The following CAMK2D variants were observed in gnomAD, a reference collection of about 807,000 sequenced individuals.
CAMK2D encodes the protein calcium/calmodulin-dependent protein kinase type II subunit delta.
CAMK2D carries 37 observed loss-of-function variants against 84.0 expected under a neutral mutation model. That is an observed-to-expected ratio of 0.44 (90% CI 0.34 to 0.58). The LOEUF is 0.58. Among genes scored for constraint, CAMK2D ranks in the 20% least tolerant of loss-of-function variants. The pLI, the probability that CAMK2D is intolerant of heterozygous loss-of-function variation, is 0.02. For missense variants in CAMK2D, 448 were observed against 652.5 expected, an observed-to-expected ratio of 0.69 and a Z score of 3.41; for synonymous variants, 202 against 212.5, an observed-to-expected ratio of 0.95 and a Z score of 0.43.
At chr4:113,645,871 A>T (rs2099149838) in intron 3 of CAMK2D, among the ~76,000 whole-genome samples, 1 of 152,232 alleles carries the variant, frequency 6.6e-6, no homozygotes, top group South Asian at 2.1e-4. Flanking sequence ...AGATGATTCA[A>T]ATGCTGCAGG....
chr4:113,577,484 C>T (rs2068107), intron 4 of CAMK2D, among the ~76,000 whole-genome samples: 5,668 of 152,244 alleles, frequency 0.037, 364 homozygotes, highest in African/African-American at 0.13. Context: ...ATACACTATA[C>T]TGATCATAAG....
intron 2 of CAMK2D, among the ~76,000 whole-genome samples, chr4:113,670,914 C>T (rs1001337715): frequency 1.5e-4 from 22 of 151,584 alleles, no homozygotes; most frequent in Non-Finnish European, 2.5e-4. Context: ...GGCAACAGAG[C>T]GAGACTCCGT....
At chr4:113,653,631 G>A (rs2099185838) in intron 3 of CAMK2D, among the ~76,000 whole-genome samples, 1 of 151,920 alleles carries the variant, frequency 6.6e-6, no homozygotes, top group African/African-American at 2.4e-5. Flanking sequence ...TATTAACTTT[G>A]TTTTCTCAGT....
chr4:113,539,933 G>C (rs565069100), intron 6 of CAMK2D, among the ~76,000 whole-genome samples: 1 of 152,228 alleles, frequency 6.6e-6, no homozygotes, highest in Non-Finnish European at 1.5e-5. Flanking sequence ...AGGATGATGA[G>C]TTTAAGGGAT....
In CAMK2D at chr4:113,457,578, C is replaced by G; in HGVS notation, c.1307-15G>C. ...TTTGGACAAAGCTGAAAGAGAAAAA[C>G]ATGAAAAGCAAAATTTAGTTTCTAT... On this transcript the variant is annotated splice_polypyrimidine_tract_variant and intron_variant, in intron 18 of 20. Transcript: ENST00000511664. 2 of 1,606,096 alleles carry G rather than the reference C, an allele frequency of 1.2e-6. No individual in the cohort carries two copies. The highest frequency in any genetic ancestry group is 2.2e-5 in the East Asian group (1 of 44,700).
chr4:113,511,030 A>G (rs943295196), intron 12 of CAMK2D, among the ~76,000 whole-genome samples: 1 of 152,136 alleles, frequency 6.6e-6, no homozygotes. Flanking sequence ...CAAAGAGAAG[A>G]TGATGATTCA....
chr4:113,578,158 A>C (rs530595358), intron 4 of CAMK2D, among the ~76,000 whole-genome samples: 1 of 152,348 alleles, frequency 6.6e-6, no homozygotes, highest in African/African-American at 2.4e-5. Context: ...CCCAAGGAAC[A>C]GTATCTTAAT....
At chr4:113,577,758 T>G (rs1190799741) in intron 4 of CAMK2D, among the ~76,000 whole-genome samples, 1 of 26,430 alleles carries the variant, frequency 3.8e-5, no homozygotes, top group African/African-American at 9.8e-5. Context: ...CGTATACTAT[T>G]TTTTTTTTTT....
At chr4:113,521,751 T>C (rs1196801402) in intron 8 of CAMK2D, among the ~76,000 whole-genome samples, 1 of 150,856 alleles carries the variant, frequency 6.6e-6, no homozygotes, top group African/African-American at 2.4e-5. Context: ...ATTACTGTCA[T>C]ATTTAGAGTC....
At chr4:113,604,297 T>C (rs2098968401) in intron 4 of CAMK2D, among the ~76,000 whole-genome samples, 1 of 152,180 alleles carries the variant, frequency 6.6e-6, no homozygotes, top group East Asian at 1.9e-4. Context: ...TGTGCATTTT[T>C]CTAAAGCTGC....
intron 8 of CAMK2D, among the ~76,000 whole-genome samples, chr4:113,527,291 G>A (rs1344673899): frequency 6.6e-6 from 1 of 151,292 alleles, no homozygotes. Context: ...TTTTTGTAGA[G>A]ATGGGTCATC....
At chr4:113,586,549 A>G (rs1393075160) in intron 4 of CAMK2D, among the ~76,000 whole-genome samples, 1 of 152,192 alleles carries the variant, frequency 6.6e-6, no homozygotes, top group Non-Finnish European at 1.5e-5. Flanking sequence ...ACACCCCCAA[A>G]TCAATCCATG....
intron 2 of CAMK2D, among the ~76,000 whole-genome samples, chr4:113,699,198 G>A (rs1468747927): frequency 6.6e-6 from 1 of 152,018 alleles, no homozygotes; most frequent in African/African-American, 2.4e-5. Context: ...TCTGGGGATG[G>A]TATATCTCTC....
At chr4:113,651,349 G>T (rs1393030672) in intron 3 of CAMK2D, among the ~76,000 whole-genome samples, 1 of 152,038 alleles carries the variant, frequency 6.6e-6, no homozygotes, top group African/African-American at 2.4e-5. Context: ...TCTACCTATG[G>T]AGCATTTTTA....
chr4:113,657,815 A>G (rs763223398), intron 3 of CAMK2D, among the ~76,000 whole-genome samples: 10 of 152,160 alleles, frequency 6.6e-5, no homozygotes, highest in Non-Finnish European at 1.3e-4. Context: ...AAACAAGCAC[A>G]TTTTCACAGG....
chr4:113,549,100 G>C (rs2098605130), intron 5 of CAMK2D, among the ~76,000 whole-genome samples: 1 of 152,042 alleles, frequency 6.6e-6, no homozygotes, highest in Non-Finnish European at 1.5e-5. Flanking sequence ...AAAATTTCCA[G>C]GTATTTCTTA....
At position 113,532,018 on chromosome 4, in the gene CAMK2D, A is replaced by T. The variant is rs553324070; in HGVS notation, c.518-719T>A. Among the ~76,000 whole-genome samples, 94 of 152,304 alleles carry T rather than the reference A, an allele frequency of 6.2e-4. 3 individuals carry two copies. Among genetic ancestry groups the T allele is most frequent in the African/African-American group, 2.1e-3 (86 of 41,596 alleles). On this transcript the variant is annotated intron_variant, in intron 7 of 20. Coordinates refer to ENST00000511664, the MANE Select transcript of CAMK2D (RefSeq NM_001321571.2). The stretch of plus-strand genomic sequence containing the variant: ...CTATCCTCATTTGGAAGTTTTCTTT[A>T]AAAGCACAAATAAACTAAAAAAAAC...
At position 113,517,674 on chromosome 4, in the gene CAMK2D, T is replaced by C; in HGVS notation, c.602-17A>G. ...GAATGACACCTGGAGGAGAATATAA[T>C]GTTAACACAATTTAAGTCATATAGA... is the stretch of plus-strand genomic sequence containing the variant. On this transcript the variant is annotated splice_polypyrimidine_tract_variant and intron_variant, in intron 8 of 20. Transcript: ENST00000511664. 5 of 1,195,394 alleles carry C rather than the reference T, an allele frequency of 4.2e-6. No homozygotes were observed. The highest frequency in any genetic ancestry group is 6.2e-6 in the Non-Finnish European group (5 of 803,386). The allele number at this position is 1,195,394 out of a possible 1,614,324, so 74.0% of individuals were successfully genotyped here.
intron 2 of CAMK2D, among the ~76,000 whole-genome samples, chr4:113,745,029 A>G (rs1240626070): frequency 1.3e-5 from 2 of 152,156 alleles, no homozygotes; most frequent in Admixed American, 6.5e-5. Context: ...CTCCTGCCAC[A>G]TCTGTTATTA....
Sources: allele counts gnomAD v4.1 joint callset (sites outside exome capture counted in the v4.1 genomes callset), GRCh38; gene constraint gnomAD v4.1.1; transcripts MANE v1.5; gene names NCBI Gene and HGNC (gene_info 2026-07-23, HGNC 2026-07-21).